CSMD1: variants seen among roughly 807,000 people sequenced by gnomAD.
The protein encoded by CSMD1 is CUB and Sushi multiple domains 1, also known as CUB and sushi domain-containing protein 1.
In CSMD1, 213 loss-of-function variants were observed where a neutral mutation model predicts 417.5. The observed-to-expected ratio is 0.51, with a 90% CI of 0.46 to 0.57. CSMD1 has a LOEUF of 0.57. Ranked by LOEUF, CSMD1 falls within the 20% of genes least tolerant of loss-of-function variation. The pLI is 0.00. For synonymous variants in CSMD1, 2,862 were observed against 1,736.8 expected (o/e 1.65, Z -16.11); for missense variants, 6,923 against 4,529.7 (o/e 1.53, Z -15.17).
At chr8:3,834,220 A>C (rs1388136366) in intron 5 of CSMD1, among the ~76,000 whole-genome samples, 1 of 151,986 alleles carries the variant, frequency 6.6e-6, no homozygotes, top group Admixed American at 6.5e-5. Flanking sequence ...TTTATTTTGT[A>C]AAGAATTGCT....
chr8:3,285,064 C>T (rs1008439059), intron 25 of CSMD1, among the ~76,000 whole-genome samples: 2 of 152,050 alleles, frequency 1.3e-5, no homozygotes, highest in Non-Finnish European at 2.9e-5. Context: ...GCCATTGAAG[C>T]AAGAAGGGTT....
intron 3 of CSMD1, among the ~76,000 whole-genome samples, chr8:4,329,914 T>C (rs899464839): frequency 6.6e-6 from 1 of 152,044 alleles, no homozygotes. Flanking sequence ...GCTCTGGCCA[T>C]GTGAGGTGTC....
chr8:3,855,436 T>G (rs1585096165), intron 5 of CSMD1, among the ~76,000 whole-genome samples: 1 of 152,098 alleles, frequency 6.6e-6, no homozygotes, highest in South Asian at 2.1e-4. Flanking sequence ...ACAAAAAAGT[T>G]TAAATATCAG....
At chr8:3,084,999 C>A (rs35419976) in intron 49 of CSMD1, among the ~76,000 whole-genome samples, 34,434 of 151,722 alleles carry the variant, frequency 0.23, 4,270 homozygotes, top group East Asian at 0.33. Flanking sequence ...TAAAAGGTGA[C>A]TAAAAGAAGT....
At chr8:4,062,591 G>C (rs947967045) in intron 3 of CSMD1, among the ~76,000 whole-genome samples, 6 of 152,056 alleles carry the variant, frequency 3.9e-5, no homozygotes, top group Middle Eastern at 3.2e-3. Context: ...TCAGTGATAC[G>C]TCCCAGATCT....
At chr8:4,326,229 C>T (rs1345066136) in intron 3 of CSMD1, among the ~76,000 whole-genome samples, 1 of 152,152 alleles carries the variant, frequency 6.6e-6, no homozygotes, top group African/African-American at 2.4e-5. Flanking sequence ...GCTTTGAAAA[C>T]CATTGGTCTA....
intron 5 of CSMD1, among the ~76,000 whole-genome samples, chr8:3,987,139 G>T (rs768357548): frequency 6.6e-6 from 1 of 152,110 alleles, no homozygotes; most frequent in Non-Finnish European, 1.5e-5. Context: ...CACACACAGC[G>T]TCTATCCGAG....
Position 3,284,182 on chromosome 8 carries a change from A to T in CSMD1, c.4115T>A (p.Phe1372Tyr). The T allele has an allele frequency of 1.3e-6, 2 of 1,591,482 alleles. No individual in the cohort carries two copies. Among genetic ancestry groups the T allele is most frequent in the Non-Finnish European group, 1.7e-6 (2 of 1,169,254 alleles). The change falls in exon 26 of 70, where the codon TTC becomes TAC. Residue 1372 changes from phenylalanine to tyrosine, a missense_variant. By Grantham distance (22) the Phe-to-Tyr change is conservative. Transcript: ENST00000635120. Reference protein sequence around the residue: ...NSLTLQFDSDFFISKSGFSIQ... With the variant: ...NSLTLQFDSDYFISKSGFSIQ... ...GGAGAAGCCAGACTTGCTGATGAAG[A>T]AGTCGCTGTCGAACTGCAGGGTGAG...
At chr8:3,237,352 A>G (rs981777385) in intron 26 of CSMD1, among the ~76,000 whole-genome samples, 3 of 151,692 alleles carry the variant, frequency 2.0e-5, no homozygotes, top group Non-Finnish European at 4.4e-5. Context: ...CTGTAATCTC[A>G]GCTACTCGGG....
At chr8:3,109,707 CT>C (rs1221482983) in intron 43 of CSMD1, among the ~76,000 whole-genome samples, 1 of 152,042 alleles carries the variant, frequency 6.6e-6, no homozygotes, top group Non-Finnish European at 1.5e-5. Flanking sequence ...CCTGCTCCCC[CT>C]GTGGGCTCCA....
chr8:3,287,912 CT>C (rs370215346), intron 25 of CSMD1, among the ~76,000 whole-genome samples: 1 of 145,818 alleles, frequency 6.9e-6, no homozygotes, highest in Non-Finnish European at 1.5e-5. Context: ...CAGTTTTTGC[CT>C]ATTCAGTATG....
At chr8:4,420,855 A>T (rs904598390) in intron 2 of CSMD1, among the ~76,000 whole-genome samples, 5 of 152,068 alleles carry the variant, frequency 3.3e-5, no homozygotes, top group African/African-American at 1.2e-4. Context: ...AAAATCCACA[A>T]ACTCCTGTGC....
intron 12 of CSMD1, among the ~76,000 whole-genome samples, chr8:3,465,148 C>T (rs1033018474): frequency 6.6e-6 from 1 of 152,114 alleles, no homozygotes; most frequent in African/African-American, 2.4e-5. Flanking sequence ...TGGGGCCTCA[C>T]CAGCAGGGAT....
intron 12 of CSMD1, among the ~76,000 whole-genome samples, chr8:3,411,675 TATATAC>T (rs1812710003): frequency 1.4e-5 from 1 of 70,208 alleles, no homozygotes; most frequent in Non-Finnish European, 3.0e-5. Flanking sequence ...TATACGTGTA[TATATAC>T]GTGTATATAT....
intron 2 of CSMD1, among the ~76,000 whole-genome samples, chr8:4,594,392 A>C (rs555770635): frequency 3.3e-5 from 5 of 151,488 alleles, no homozygotes; most frequent in Admixed American, 3.3e-4. Context: ...TAGAGACAGG[A>C]TTTCACCATG....
At chr8:4,335,293 C>T (rs1287470997) in intron 3 of CSMD1, among the ~76,000 whole-genome samples, 1 of 152,086 alleles carries the variant, frequency 6.6e-6, no homozygotes, top group African/African-American at 2.4e-5. Context: ...TGTCCTACTA[C>T]CATAACCGGG....
intron 1 of CSMD1, among the ~76,000 whole-genome samples, chr8:4,642,339 G>C (rs995709374): frequency 6.6e-6 from 1 of 152,154 alleles, no homozygotes; most frequent in African/African-American, 2.4e-5. Flanking sequence ...AAATGGCCCT[G>C]TGCCCTCATC....
At chr8:4,068,049 C>T (rs1434398808) in intron 3 of CSMD1, among the ~76,000 whole-genome samples, 1 of 151,996 alleles carries the variant, frequency 6.6e-6, no homozygotes, top group South Asian at 2.1e-4. Flanking sequence ...CCACTGCACT[C>T]CAGCCTGGCG....
At chr8:3,439,305 A>AT (rs1254998951) in intron 12 of CSMD1, among the ~76,000 whole-genome samples, 40 of 41,182 alleles carry the variant, frequency 9.7e-4, no homozygotes, top group South Asian at 3.8e-3. Context: ...ATATATATAT[A>AT]TATATTTTTT....
Sources: gnomAD v4.1 joint callset for allele counts (sites outside exome capture counted in the v4.1 genomes callset) on GRCh38, gnomAD v4.1.1 for gene constraint, MANE v1.5 for transcripts, NCBI Gene and HGNC (gene_info 2026-07-23, HGNC 2026-07-21) for gene names.